DNAJC16: variants seen among roughly 807,000 people sequenced by gnomAD.
DNAJC16 encodes the protein DnaJ heat shock protein family (Hsp40) member C16.
Under a neutral mutation model 92.7 loss-of-function variants are expected in DNAJC16, and 76 were observed. The observed-to-expected ratio is 0.82, with a 90% CI of 0.68 to 0.99. DNAJC16 has a LOEUF of 0.99. DNAJC16 is among the 50% of genes least tolerant of loss of function. DNAJC16 has a pLI of 0.00. For synonymous variants in DNAJC16, 328 were observed against 358.7 expected (o/e 0.91, Z 0.97); for missense variants, 869 against 942.4 (o/e 0.92, Z 1.02).
At position 15,546,762 on chromosome 1, in the gene DNAJC16, T is replaced by G. The variant is rs1216256073; in HGVS notation, c.760-5T>G. 1.2e-6 allele frequency: 2 copies of G among 1,602,212 alleles called. No individual in the cohort carries two copies. The highest frequency in any genetic ancestry group is 1.7e-6 in the Non-Finnish European group (2 of 1,170,096). ...TTGAGACTAACATTCTATTTTCAAT[T>G]TAAGGTTACAAATAAAAATTACGTC... On this transcript the variant is annotated splice_region_variant and splice_polypyrimidine_tract_variant and intron_variant, in intron 5 of 14. Coordinates refer to ENST00000375847, the MANE Select transcript of DNAJC16 (RefSeq NM_015291.4).
chr1:15,542,670 G>A (rs943170700), intron 4 of DNAJC16, among the ~76,000 whole-genome samples: 4 of 152,216 alleles, frequency 2.6e-5, no homozygotes, highest in African/African-American at 7.2e-5. Flanking sequence ...GCAGTCTTAC[G>A]GGACTGAACC....
At chr1:15,557,215 T>G (rs1194825068) in intron 7 of DNAJC16, among the ~76,000 whole-genome samples, 2 of 152,272 alleles carry the variant, frequency 1.3e-5, no homozygotes, top group African/African-American at 2.4e-5. Context: ...ATTGTCTTCC[T>G]TGAAAGTTTG....
chr1:15,565,947 A>T lies in DNAJC16; in HGVS notation c.1627A>T (p.Ile543Phe), dbSNP rs748538547. The T allele has an allele frequency of 1.1e-5, 17 of 1,612,846 alleles. No individual in the cohort carries two copies. The East Asian group carries it at 3.6e-4, about 34-fold the overall frequency. ...GGAAATGATGCCCCTGCTGTCCCTG[A>T]TCTTCTCTGCCCTCTTCATCCTCTT... ...WREMMPLLSL[I>F]FSALFILFGT... The change falls in exon 12 of 15, where the codon ATC (isoleucine) becomes TTC (phenylalanine). Residue 543 changes from isoleucine to phenylalanine, a missense_variant. Coordinates refer to ENST00000375847, the MANE Select transcript of DNAJC16 (RefSeq NM_015291.4).
intron 4 of DNAJC16, among the ~76,000 whole-genome samples, chr1:15,539,990 G>A (rs562618310): frequency 8.8e-4 from 134 of 151,874 alleles, no homozygotes; most frequent in Middle Eastern, 3.4e-3. Context: ...TCGAGTCACC[G>A]CACTCCAGCC....
At chr1:15,534,742 A>C (rs773857176) in intron 3 of DNAJC16, among the ~76,000 whole-genome samples, 40 of 152,072 alleles carry the variant, frequency 2.6e-4, no homozygotes, top group South Asian at 4.1e-4. Context: ...ATAATAGAAC[A>C]TATTTGGCCA....
chr1:15,534,218 C>T lies in DNAJC16; in HGVS notation c.168-19C>T. ...TAAAAGTTACATCCTTTCTCACCGC[C>T]TGCCTGTTTGTGTTTCAGGCATCCT... On this transcript the variant is annotated intron_variant, in intron 2 of 14. Transcript: ENST00000375847. The T allele has an allele frequency of 6.2e-7, 1 of 1,613,756 alleles. No individual in the cohort carries two copies. Among genetic ancestry groups the T allele is most frequent in the South Asian group, 1.1e-5 (1 of 91,000 alleles).
In DNAJC16 at chr1:15,571,144, G is replaced by A. The variant is rs1392224961; in HGVS notation, c.*2967G>A. The A allele has an allele frequency of 1.3e-5, 2 of 152,172 alleles. No individual in the cohort carries two copies. Among genetic ancestry groups the A allele is most frequent in the African/African-American group, 4.8e-5 (2 of 41,444 alleles). 9.4% of individuals were successfully genotyped at this position (152,172 alleles called of 1,614,324 possible). A position where few individuals can be genotyped will look rare whatever the true frequency, so the allele number is the denominator to read the frequency against. On this transcript the variant is annotated 3_prime_UTR_variant, in exon 15 of 15. Transcript: ENST00000375847. ...TTCCATTAGGGGCCATGGTCTCACTGCCATCACTTATTAGCCATGAGAATT... is the reference window on the plus strand; with the variant it reads ...TTCCATTAGGGGCCATGGTCTCACTACCATCACTTATTAGCCATGAGAATT...
rs1481587701 is a variant in DNAJC16, at chr1:15,568,160, T to G, written c.2332T>G (p.Trp778Gly). ...CTTACAGAGGTTTTATATCCCATCA[T>G]GGCCTGAACTAGACTGAGAGGATTT... ...GSLQRFYIPSWPELD is the reference protein window; with the variant it reads ...GSLQRFYIPSGPELD Residue 778 changes from tryptophan (W) to glycine (G), a missense_variant, in exon 15 of 15, where the codon TGG becomes GGG. By Grantham distance (184) the Trp-to-Gly change is radical. Transcript: ENST00000375847. 2 of 1,611,712 alleles carry G rather than the reference T, an allele frequency of 1.2e-6. No individual in the cohort carries two copies. The highest frequency in any genetic ancestry group is 4.5e-5 in the East Asian group (2 of 44,834).
At chr1:15,534,416 G>A in intron 3 of DNAJC16, 113 bp downstream of exon 3, 13 of 1,087,334 alleles carry the variant, frequency 1.2e-5, no homozygotes, top group Non-Finnish European at 1.7e-5. Flanking sequence ...CCTTGATGCA[G>A]TTTCTAGATT....
At chr1:15,528,614 T>A (rs1278852590) in intron 1 of DNAJC16, among the ~76,000 whole-genome samples, 2 of 152,226 alleles carry the variant, frequency 1.3e-5, no homozygotes, top group South Asian at 4.1e-4. Flanking sequence ...ATGCCACAAC[T>A]ATCTCATTTT....
chr1:15,527,827 CACTT>C (rs1217462221), intron 1 of DNAJC16, among the ~76,000 whole-genome samples: 3 of 152,108 alleles, frequency 2.0e-5, no homozygotes, highest in Admixed American at 2.0e-4. Context: ...TCACAGAAGA[CACTT>C]GAACCTTAAA....
intron 7 of DNAJC16, among the ~76,000 whole-genome samples, chr1:15,555,716 G>C (rs1360484789): frequency 6.6e-6 from 1 of 150,796 alleles, no homozygotes; most frequent in Non-Finnish European, 1.5e-5. Context: ...GGCCAGGTGT[G>C]GTGGCTCATG....
rs752155505 is a variant in DNAJC16, at chr1:15,544,427, G to C, written c.603G>C (p.Gly201=). ...LGVGIGVVHA[G]YERRLAHHLG... ...TAGGAATTGGCGTGGTCCATGCTGG[G>C]TATGAGAGACGCCTGGCCCATCACC... is the stretch of plus-strand genomic sequence containing the variant. Residue 201 remains glycine (G), a synonymous_variant, in exon 5 of 15, where the codon GGG becomes GGC. Coordinates refer to ENST00000375847, the MANE Select transcript of DNAJC16 (RefSeq NM_015291.4). 11 of 1,613,788 alleles carry C rather than the reference G, an allele frequency of 6.8e-6. No homozygotes were observed. The highest frequency in any genetic ancestry group is 9.3e-6 in the Non-Finnish European group (11 of 1,179,892).
In DNAJC16 at chr1:15,568,250, C is replaced by CA. The variant is rs768829691; in HGVS notation, c.*76dup. ...CCTGTGAACAGGTATTTTCAGGACT[C>CA]AAACTACCACAATGAACAGAGTATA... On this transcript the variant is annotated 3_prime_UTR_variant, in exon 15 of 15. Coordinates refer to ENST00000375847, the MANE Select transcript of DNAJC16 (RefSeq NM_015291.4). The CA allele has an allele frequency of 1.3e-4, 162 of 1,206,386 alleles. No homozygotes were observed. Among genetic ancestry groups the CA allele is most frequent in the Non-Finnish European group, 1.8e-4 (151 of 851,646 alleles). 74.7% of individuals were successfully genotyped at this position (1,206,386 alleles called of 1,614,324 possible). A position where few individuals can be genotyped will look rare whatever the true frequency, so the allele number is the denominator to read the frequency against.
In DNAJC16 at chr1:15,529,071, C is replaced by T; in HGVS notation, c.-18-17C>T. 1.9e-6 allele frequency: 3 copies of T among 1,607,484 alleles called. No homozygotes were observed. The highest frequency in any genetic ancestry group is 1.7e-6 in the Non-Finnish European group (2 of 1,176,066). On this transcript the variant is annotated splice_polypyrimidine_tract_variant and intron_variant, in intron 1 of 14. Transcript: ENST00000375847. The stretch of plus-strand genomic sequence containing the variant: ...GGTTTCTGCCACTGAAACTCATTGC[C>T]TCTTCAATCATTTCAGCTCTGGAAA...
intron 6 of DNAJC16, 119 bp from the exon 7 acceptor site, chr1:15,548,151 T>G (rs1314554683): frequency 8.0e-6 from 7 of 880,230 alleles, no homozygotes; most frequent in East Asian, 7.9e-5. Context: ...GAAGACCTAG[T>G]GGAGCTGTGT....
At chr1:15,551,346 A>G (rs1638438555) in intron 7 of DNAJC16, among the ~76,000 whole-genome samples, 1 of 152,212 alleles carries the variant, frequency 6.6e-6, no homozygotes, top group South Asian at 2.1e-4. Flanking sequence ...TTACCTTGCC[A>G]CTTTTCTTAA....
At chr1:15,533,492 G>A (rs780077652) in intron 2 of DNAJC16, among the ~76,000 whole-genome samples, 8 of 152,154 alleles carry the variant, frequency 5.3e-5, no homozygotes, top group African/African-American at 1.7e-4. Context: ...CCGGGTGATA[G>A]TGGCGCAGGC....
At chr1:15,537,850 C>T (rs760761308) in intron 4 of DNAJC16, among the ~76,000 whole-genome samples, 6 of 152,230 alleles carry the variant, frequency 3.9e-5, no homozygotes, top group Middle Eastern at 3.4e-3. Context: ...GGAGTCTGAC[C>T]GTCTTAAACA....
Sources: allele counts gnomAD v4.1 joint callset (sites outside exome capture counted in the v4.1 genomes callset), GRCh38; gene constraint gnomAD v4.1.1; transcripts MANE v1.5; gene names NCBI Gene and HGNC (gene_info 2026-07-23, HGNC 2026-07-21).